RAP2C: variants seen among roughly 807,000 people sequenced by gnomAD.
The protein encoded by RAP2C is RAP2C, member of RAS oncogene family.
In RAP2C, 3 loss-of-function variants were observed where a neutral mutation model predicts 8.9. That is an observed-to-expected ratio of 0.34 (90% CI 0.15 to 0.87). The LOEUF (loss-of-function observed/expected upper bound fraction) is 0.87. RAP2C is among the 40% of genes least tolerant of loss of function. The pLI is 0.51. For synonymous variants in RAP2C, 60 were observed against 52.1 expected, an observed-to-expected ratio of 1.15 and a Z score of -0.65; for missense variants, 76 against 133.7, an observed-to-expected ratio of 0.57 and a Z score of 2.13.
At chrX:132,216,728 C>T (rs972079974) in intron 4 of RAP2C, among the ~76,000 whole-genome samples, 1 of 112,215 alleles carries the variant, frequency 8.9e-6, no homozygotes, top group Non-Finnish European at 1.9e-5. Flanking sequence ...GGTTATATTC[C>T]AGGCGAAATA....
In RAP2C at chrX:132,204,853, G is replaced by T. The variant is rs772484462; in HGVS notation, c.*769C>A. 9.1e-6 allele frequency: 1 copy of T among 110,278 alleles called. No individual in the cohort carries two copies. The highest frequency in any genetic ancestry group is 1.9e-5 in the Non-Finnish European group (1 of 52,756). The allele number at this position is 110,278 out of a possible 1,213,427, so 9.1% of individuals were successfully genotyped here. On this transcript the variant is annotated 3_prime_UTR_variant, in exon 6 of 6. Transcript: ENST00000370874. ...TCACAGAAAGGAAAATGTTACTGCC[G>T]CAATTCAATGCTGTAAATGAGATTA...
rs1930181529 is a variant in RAP2C at position 132,203,521 on chromosome X, GA to G, written c.*2100del. 1.8e-5 allele frequency: 1 copy of G among 56,468 alleles called. No individual in the cohort carries two copies. The highest frequency in any genetic ancestry group is 2.9e-5 in the Non-Finnish European group (1 of 35,038). 4.7% of individuals were successfully genotyped at this position (56,468 alleles called of 1,213,427 possible). A position where few individuals can be genotyped will look rare whatever the true frequency, so the allele number is the denominator to read the frequency against. On this transcript the variant is annotated 3_prime_UTR_variant, in exon 6 of 6. Coordinates refer to ENST00000370874, the MANE Select transcript of RAP2C (RefSeq NM_001271186.2). The stretch of plus-strand genomic sequence containing the variant: ...ACTGTAATTTTGAGAGAGAGAGAGA[GA>G]GAGAGAGAGAGAGAGAGAGAGAGAG...
chrX:132,203,762 T>C lies in RAP2C; in HGVS notation c.*1860A>G, dbSNP rs988820760. 8.9e-6 allele frequency: 1 copy of C among 112,280 alleles called. No homozygotes were observed. The highest frequency in any genetic ancestry group is 1.9e-5 in the Non-Finnish European group (1 of 53,141). 9.3% of individuals were successfully genotyped at this position (112,280 alleles called of 1,213,427 possible). Reference sequence around the variant, plus strand: ...TATTAAAGTGCAAACTTAAATTAAGTATTCACTTCAAGCAGTTCATAAATA... The same window carrying C: ...TATTAAAGTGCAAACTTAAATTAAGCATTCACTTCAAGCAGTTCATAAATA... On this transcript the variant is annotated 3_prime_UTR_variant, in exon 6 of 6. Transcript: ENST00000370874.
intron 5 of RAP2C, among the ~76,000 whole-genome samples, chrX:132,206,463 G>A (rs1245102723): frequency 1.8e-5 from 2 of 112,191 alleles, no homozygotes; most frequent in South Asian, 3.7e-4. Flanking sequence ...CAGATAGAGC[G>A]TCCTTCAACT....
In RAP2C at chrX:132,203,268, G is replaced by C. The variant is rs768039437; in HGVS notation, c.*2354C>G. On this transcript the variant is annotated 3_prime_UTR_variant, in exon 6 of 6. Coordinates refer to ENST00000370874, the MANE Select transcript of RAP2C (RefSeq NM_001271186.2). ...TTGCAGAGCCCTACTGCAGTGATTTGAACAACTCCTAAATAGATGCCATAA... is the reference window on the plus strand; with the variant it reads ...TTGCAGAGCCCTACTGCAGTGATTTCAACAACTCCTAAATAGATGCCATAA... 18 of 111,627 alleles carry C rather than the reference G, an allele frequency of 1.6e-4. No homozygotes were observed. The highest frequency in any genetic ancestry group is 3.4e-4 in the Non-Finnish European group (18 of 53,024). 9.2% of individuals were successfully genotyped at this position (111,627 alleles called of 1,213,427 possible). A position where few individuals can be genotyped will look rare whatever the true frequency, so the allele number is the denominator to read the frequency against.
At chrX:132,216,890 T>G in intron 4 of RAP2C, 106 bp downstream of exon 4, 5 of 833,489 alleles carry the variant, frequency 6.0e-6, no homozygotes. Flanking sequence ...CATGTCTAAC[T>G]TTCAAAAGCA....
At chrX:132,215,057 T>C (rs1930535230) in intron 4 of RAP2C, among the ~76,000 whole-genome samples, 1 of 111,179 alleles carries the variant, frequency 9.0e-6, no homozygotes, top group South Asian at 3.9e-4. Context: ...GAAACTACTG[T>C]AACAGTGAGC....
rs1930649213 is a variant in RAP2C, at chrX:132,217,452, T to G, written c.-184A>C. On this transcript the variant is annotated 5_prime_UTR_variant, in exon 4 of 6. Transcript: ENST00000370874. Reference sequence around the variant, plus strand: ...GAGGGGGAGGGGAAAGAGCGTAGAGTCGGGGAGGGTGGGGAAGGGATGGTA... The same window carrying G: ...GAGGGGGAGGGGAAAGAGCGTAGAGGCGGGGAGGGTGGGGAAGGGATGGTA... 8 of 130,539 alleles carry G rather than the reference T, an allele frequency of 6.1e-5. No homozygotes were observed. The highest frequency in any genetic ancestry group is 2.5e-3 in the Middle Eastern group (1 of 405). 10.8% of individuals were successfully genotyped at this position (130,539 alleles called of 1,213,427 possible). A position where few individuals can be genotyped will look rare whatever the true frequency, so the allele number is the denominator to read the frequency against.
In RAP2C at chrX:132,216,573, G is replaced by A. The variant is rs1930594126; in HGVS notation, c.273+423C>T. On this transcript the variant is annotated intron_variant, in intron 4 of 5. Transcript: ENST00000370874. ...GGGTGGGAGGGGAAGGTGTGGGTGG[G>A]ACAGACACAGAGGACTTATCTGTGC... Among the ~76,000 whole-genome samples, 3 of 109,246 alleles carry A rather than the reference G, an allele frequency of 2.7e-5. No homozygotes were observed. In the South Asian group the frequency reaches 1.2e-3, roughly 44 times the overall value. The allele number at this position is 109,246 out of a possible 115,157, so 94.9% of individuals were successfully genotyped here.
At chrX:132,215,145 T>C (rs927007268) in intron 4 of RAP2C, among the ~76,000 whole-genome samples, 3 of 110,320 alleles carry the variant, frequency 2.7e-5, no homozygotes, top group Non-Finnish European at 5.7e-5. Flanking sequence ...TGTTTGTTTT[T>C]ACTACTTGTT....
intron 4 of RAP2C, among the ~76,000 whole-genome samples, chrX:132,216,436 G>A (rs1930583838): frequency 9.2e-6 from 1 of 109,208 alleles, no homozygotes; most frequent in Admixed American, 9.9e-5. Flanking sequence ...AAGTAATTAA[G>A]TAAAATGCCT....
At chrX:132,212,664 A>C (rs1445226461) in intron 5 of RAP2C, among the ~76,000 whole-genome samples, 1 of 112,393 alleles carries the variant, frequency 8.9e-6, no homozygotes, top group East Asian at 2.8e-4. Context: ...AGAGCAAAAC[A>C]GTAAAGACAC....
intron 5 of RAP2C, among the ~76,000 whole-genome samples, chrX:132,210,191 A>T (rs1338723600): frequency 2.7e-5 from 3 of 111,796 alleles, no homozygotes; most frequent in African/African-American, 9.8e-5. Context: ...CATTTTACTG[A>T]TATTATTAAT....
chrX:132,210,258 C>T (rs1468891961), intron 5 of RAP2C, among the ~76,000 whole-genome samples: 3 of 111,424 alleles, frequency 2.7e-5, no homozygotes, highest in Non-Finnish European at 5.6e-5. Context: ...TTTTTCTCCT[C>T]ACATTTGCTA....
chrX:132,210,340 ATATTT>A (rs1199918475), intron 5 of RAP2C, among the ~76,000 whole-genome samples: 1 of 112,200 alleles, frequency 8.9e-6, no homozygotes, highest in African/African-American at 3.2e-5. Flanking sequence ...TTCTGATTCT[ATATTT>A]TATTTTAAAA....
In RAP2C at chrX:132,217,350, T is replaced by G. The variant is rs1602897106; in HGVS notation, c.-82A>C. The G allele has an allele frequency of 4.4e-6, 4 of 913,246 alleles. No individual in the cohort carries two copies. The highest frequency in any genetic ancestry group is 5.7e-6 in the Non-Finnish European group (4 of 698,430). 75.3% of individuals were successfully genotyped at this position (913,246 alleles called of 1,213,427 possible). A position where few individuals can be genotyped will look rare whatever the true frequency, so the allele number is the denominator to read the frequency against. ...TGGCGCGGCTAGACGAGGCGGAAGG[T>G]GGGCGGAAATCTGCGAACTGGGGAG... On this transcript the variant is annotated 5_prime_UTR_variant, in exon 4 of 6. Coordinates refer to ENST00000370874, the MANE Select transcript of RAP2C (RefSeq NM_001271186.2).
Position 132,204,902 on chromosome X carries a change from CT to C in RAP2C, c.*719del, listed in dbSNP as rs1370348286. On this transcript the variant is annotated 3_prime_UTR_variant, in exon 6 of 6. Transcript: ENST00000370874. ...TAACACATGTGAAAACCTAATGGAA[CT>C]GAATGCTTAACTCTTCAACTAAATG... 1 of 106,890 alleles carries C rather than the reference CT, an allele frequency of 9.4e-6. No homozygotes were observed. The highest frequency in any genetic ancestry group is 2.9e-4 in the East Asian group (1 of 3,414). 8.8% of individuals were successfully genotyped at this position (106,890 alleles called of 1,213,427 possible). A position where few individuals can be genotyped will look rare whatever the true frequency, so the allele number is the denominator to read the frequency against.
At chrX:132,207,019 A>T (rs1930294417) in intron 5 of RAP2C, among the ~76,000 whole-genome samples, 1 of 111,897 alleles carries the variant, frequency 8.9e-6, no homozygotes, top group Admixed American at 9.5e-5. Context: ...GACTACCAGG[A>T]TTGTAATTTT....
In RAP2C at chrX:132,214,240, G is replaced by A. The variant is rs937607440; in HGVS notation, c.480C>T (p.Ile160=). The A allele has an allele frequency of 1.7e-6, 2 of 1,211,438 alleles. No individual in the cohort carries two copies. Among genetic ancestry groups the A allele is most frequent in the Non-Finnish European group, 2.2e-6 (2 of 895,267 alleles). ...GGGATGAATAGTTCATTTGCCTGAC[G>A]ATCTCAGCAAAAAGTTCATCCACCA... The part of the protein sequence containing the change: ...KSMVDELFAE[I]VRQMNYSSLP... The change falls in exon 5 of 6, where the codon ATC becomes ATT. Residue 160 remains isoleucine (I), a synonymous_variant. Coordinates refer to ENST00000370874, the MANE Select transcript of RAP2C (RefSeq NM_001271186.2).
Sources: allele counts gnomAD v4.1 joint callset (sites outside exome capture counted in the v4.1 genomes callset), GRCh38; gene constraint gnomAD v4.1.1; transcripts MANE v1.5; gene names NCBI Gene and HGNC (gene_info 2026-07-23, HGNC 2026-07-21).